The following APBB1 variants were observed in gnomAD, a reference collection of about 807,000 sequenced individuals.
The protein encoded by APBB1 is amyloid beta precursor protein binding family B member 1.
APBB1 carries 22 observed loss-of-function variants against 78.4 expected under a neutral mutation model. That is an observed-to-expected ratio of 0.28 (90% CI 0.20 to 0.40). The LOEUF is 0.40. Among genes scored for constraint, APBB1 ranks in the 10% least tolerant of loss-of-function variants. The pLI, the probability that APBB1 is intolerant of heterozygous loss-of-function variation, is 1.00. For synonymous variants in APBB1, 369 were observed against 372.7 expected, an observed-to-expected ratio of 0.99 and a Z score of 0.12; for missense variants, 749 against 932.4, an observed-to-expected ratio of 0.80 and a Z score of 2.56.
intron 12 of APBB1, among the ~76,000 whole-genome samples, chr11:6,399,140 A>G (rs1848371604): frequency 6.6e-6 from 1 of 152,086 alleles, no homozygotes; most frequent in Non-Finnish European, 1.5e-5. Flanking sequence ...GGCTATGACT[A>G]GCTTCATTTC....
rs1484735905 is a variant in APBB1, at chr11:6,408,702, C to T, written c.721+1925G>A. On this transcript the variant is annotated intron_variant, in intron 2 of 14. Transcript: ENST00000609360. ...TATTTTTAGTAGAGACAAGGTTTCACCATGTTGGCCAGGCTGATCTCGAAC... is the reference window on the plus strand; with the variant it reads ...TATTTTTAGTAGAGACAAGGTTTCATCATGTTGGCCAGGCTGATCTCGAAC... 2.6e-5 allele frequency among the ~76,000 whole-genome samples: 4 copies of T among 152,110 alleles called. No homozygotes were observed. The East Asian group carries it at 5.8e-4, about 22-fold the overall frequency.
At chr11:6,413,835 T>G (rs1475393867) in intron 1 of APBB1, among the ~76,000 whole-genome samples, 1 of 152,106 alleles carries the variant, frequency 6.6e-6, no homozygotes, top group Non-Finnish European at 1.5e-5. Flanking sequence ...CACACATCTG[T>G]AAGATGAAAA....
At chr11:6,406,371 C>G (rs1848799428) in intron 2 of APBB1, among the ~76,000 whole-genome samples, 1 of 152,114 alleles carries the variant, frequency 6.6e-6, no homozygotes, top group Admixed American at 6.5e-5. Context: ...CCCCACATAA[C>G]TAACATAGCC....
rs768635852 is a variant in APBB1, at chr11:6,401,272, C to T, written c.1588+73G>A. On this transcript the variant is annotated intron_variant, in intron 11 of 14. Coordinates refer to ENST00000609360, the MANE Select transcript of APBB1 (RefSeq NM_001164.5). The surrounding 1 kb of genome is among the most constrained non-coding windows in gnomAD (Gnocchi z 4.5). Reference sequence around the variant, plus strand: ...TTTTTCTATCAGCGCTGTCCAGGAGCTCATGCCTTTCCTTGGGTCACCCAC... The same window carrying T: ...TTTTTCTATCAGCGCTGTCCAGGAGTTCATGCCTTTCCTTGGGTCACCCAC... 6.2e-7 allele frequency: 1 copy of T among 1,613,248 alleles called. No homozygotes were observed. The highest frequency in any genetic ancestry group is 8.5e-7 in the Non-Finnish European group (1 of 1,179,680).
chr11:6,417,682 G>T (rs1849155414), intron 1 of APBB1, among the ~76,000 whole-genome samples: 1 of 152,206 alleles, frequency 6.6e-6, no homozygotes, highest in Non-Finnish European at 1.5e-5. Flanking sequence ...AACTTTGGTG[G>T]CAGTGAGGAA....
intron 12 of APBB1, among the ~76,000 whole-genome samples, chr11:6,400,014 A>G (rs894401593): frequency 1.3e-5 from 2 of 150,966 alleles, no homozygotes; most frequent in African/African-American, 4.9e-5. Context: ...TTCCTTTGTT[A>G]TATCTTGCTA....
intron 1 of APBB1, among the ~76,000 whole-genome samples, chr11:6,415,101 G>A (rs1466768479): frequency 6.6e-6 from 1 of 152,166 alleles, no homozygotes; most frequent in Admixed American, 6.5e-5. Context: ...ACTGCTCGAG[G>A]TCAAAAAGAT....
intron 12 of APBB1, among the ~76,000 whole-genome samples, chr11:6,399,186 A>G (rs111547928): frequency 0.029 from 4,364 of 152,182 alleles, 219 homozygotes; most frequent in African/African-American, 0.1. Context: ...TCCAGGGCCA[A>G]GCTACTCTAC....
At chr11:6,405,012 T>G (rs1334315979) in intron 2 of APBB1, 2 of 1,422,268 alleles carry the variant, frequency 1.4e-6, no homozygotes, top group Non-Finnish European at 1.8e-6. Context: ...CCTTGGGGGG[T>G]GGGGAAGGGA....
At position 6,419,086 on chromosome 11, in the gene APBB1, G is replaced by C. The variant is rs2134119431; in HGVS notation, c.-116C>G. On this transcript the variant is annotated 5_prime_UTR_variant, in exon 1 of 15. Transcript: ENST00000609360. Reference sequence around the variant, plus strand: ...ATCACAACATCCCCCGCCCAGGAGCGCGCGGGCCGCGGGGCCGCGCCCCGA... The same window carrying C: ...ATCACAACATCCCCCGCCCAGGAGCCCGCGGGCCGCGGGGCCGCGCCCCGA... The C allele has an allele frequency of 2.6e-6, 1 of 385,692 alleles. No individual in the cohort carries two copies. Among genetic ancestry groups the C allele is most frequent in the South Asian group, 1.3e-4 (1 of 7,764 alleles). 23.9% of individuals were successfully genotyped at this position (385,692 alleles called of 1,614,324 possible).
At chr11:6,412,526 C>T (rs1395029574) in intron 1 of APBB1, among the ~76,000 whole-genome samples, 1 of 152,172 alleles carries the variant, frequency 6.6e-6, no homozygotes, top group East Asian at 1.9e-4. Flanking sequence ...AAACCACAGG[C>T]TACCTCCGCC....
intron 12 of APBB1, among the ~76,000 whole-genome samples, chr11:6,400,474 G>A (rs1485138263): frequency 1.3e-5 from 2 of 151,918 alleles, no homozygotes; most frequent in East Asian, 1.9e-4. Context: ...CCCAGGAGGC[G>A]GAGGTTGCAG....
chr11:6,414,441 C>A (rs1041401664), intron 1 of APBB1, among the ~76,000 whole-genome samples: 1 of 152,156 alleles, frequency 6.6e-6, no homozygotes, highest in Non-Finnish European at 1.5e-5. Context: ...ATTCCCATTA[C>A]CAAAGAGAGT....
chr11:6,399,152 C>T (rs779440596), intron 12 of APBB1, among the ~76,000 whole-genome samples: 8 of 152,160 alleles, frequency 5.3e-5, no homozygotes, highest in Non-Finnish European at 7.3e-5. Context: ...CTTCATTTCC[C>T]TTCTCACTTC....
At position 6,395,696 on chromosome 11, in the gene APBB1, G is replaced by A; in HGVS notation, c.1971C>T (p.Arg657=). The A allele has an allele frequency of 6.3e-7, 1 of 1,587,190 alleles. No individual in the cohort carries two copies. The highest frequency in any genetic ancestry group is 1.2e-5 in the South Asian group (1 of 86,720). ...SEAVQAACML[R]YQKCLDARSQ... The stretch of plus-strand genomic sequence containing the variant: ...AACGGGCATCCAGACACTTCTGGTA[G>A]CGAAGCTGCGGAGGCAAGCAGGGCA... The change falls in exon 15 of 15, where the codon CGC becomes CGT. Residue 657 remains arginine (R), a synonymous_variant. Coordinates refer to ENST00000609360, the MANE Select transcript of APBB1 (RefSeq NM_001164.5). The surrounding 1 kb of genome is among the most constrained non-coding windows in gnomAD (Gnocchi z 5.2).
chr11:6,413,934 G>A (rs1374685372), intron 1 of APBB1, among the ~76,000 whole-genome samples: 2 of 152,122 alleles, frequency 1.3e-5, no homozygotes, highest in Non-Finnish European at 2.9e-5. Context: ...CACAGCCACT[G>A]GAATAAATGA....
Position 6,395,781 on chromosome 11 carries a change from C to A in APBB1, c.1965+5G>T. On this transcript the variant is annotated splice_donor_5th_base_variant and intron_variant, in intron 14 of 14. Coordinates refer to ENST00000609360, the MANE Select transcript of APBB1 (RefSeq NM_001164.5). This position sits in a 1 kb window ranked among gnomAD's most constrained non-coding sequence, Gnocchi z 5.2. ...CACCACCACACCACCCTACTAGTAG[C>A]TTACCATGCACGCAGCCTGCACAGC... 4 of 1,611,400 alleles carry A rather than the reference C, an allele frequency of 2.5e-6. No individual in the cohort carries two copies. The highest frequency in any genetic ancestry group is 3.4e-6 in the Non-Finnish European group (4 of 1,178,410).
Position 6,401,738 on chromosome 11 carries a change from G to A in APBB1, c.1389-50C>T, listed in dbSNP as rs1350297912. 8 of 1,595,212 alleles carry A rather than the reference G, an allele frequency of 5.0e-6. No individual in the cohort carries two copies. The highest frequency in any genetic ancestry group is 6.9e-6 in the Non-Finnish European group (8 of 1,163,330). On this transcript the variant is annotated intron_variant, in intron 9 of 14. Transcript: ENST00000609360. The surrounding 1 kb of genome is among the most constrained non-coding windows in gnomAD (Gnocchi z 4.5). The stretch of plus-strand genomic sequence containing the variant: ...GTCTCCCAGTACCATCCAGTGCTGA[G>A]CCTGGTCCCCACCCCACCCACGTCC...
chr11:6,402,370 T>A, intron 7 of APBB1, 161 bp from the exon 8 acceptor site: 1 of 1,156,218 alleles, frequency 8.6e-7, no homozygotes, highest in Non-Finnish European at 1.2e-6. Flanking sequence ...TCACGTGTCA[T>A]CTCTCACATT....
Sources: allele counts gnomAD v4.1 joint callset (sites outside exome capture counted in the v4.1 genomes callset), GRCh38; gene constraint gnomAD v4.1.1; non-coding constraint Gnocchi (gnomAD v3.1); transcripts MANE v1.5; gene names NCBI Gene and HGNC (gene_info 2026-07-23, HGNC 2026-07-21).